The following KCNIP4 variants were observed in gnomAD, a reference collection of about 807,000 sequenced individuals.
KCNIP4 encodes potassium voltage-gated channel interacting protein 4, also known as Kv channel-interacting protein 4.
KCNIP4 carries 12 observed loss-of-function variants against 34.0 expected under a neutral mutation model. That is an observed-to-expected ratio of 0.35 (90% CI 0.23 to 0.57). The LOEUF (loss-of-function observed/expected upper bound fraction) is 0.57. Among genes scored for constraint, KCNIP4 ranks in the 20% least tolerant of loss-of-function variants. KCNIP4 has a pLI of 0.83. For synonymous variants in KCNIP4, 124 were observed against 102.2 expected, an observed-to-expected ratio of 1.21 and a Z score of -1.29; for missense variants, 238 against 311.7, an observed-to-expected ratio of 0.76 and a Z score of 1.78.
rs180928560 is a variant in KCNIP4, at chr4:20,981,946, C to T, written c.62-99237G>A. ...CCAAGGAAGACTTTTCAGACCAACT[C>T]AAAATTTCTATGATTCTAGTTGGGG... On this transcript the variant is annotated intron_variant, in intron 1 of 8. Coordinates refer to ENST00000382152, the MANE Select transcript of KCNIP4 (RefSeq NM_025221.6). 4.4e-3 allele frequency among the ~76,000 whole-genome samples: 663 copies of T among 152,266 alleles called. 5 individuals carry two copies. Among genetic ancestry groups the T allele is most frequent in the Non-Finnish European group, 7.2e-3 (488 of 68,022 alleles).
At chr4:21,035,178 G>A (rs889118626) in intron 1 of KCNIP4, among the ~76,000 whole-genome samples, 4 of 152,110 alleles carry the variant, frequency 2.6e-5, no homozygotes, top group African/African-American at 9.7e-5. Flanking sequence ...ATTGCTAGTT[G>A]GTTCTTATTT....
chr4:21,337,525 TA>T (rs1252838232), intron 1 of KCNIP4, among the ~76,000 whole-genome samples: 5 of 152,190 alleles, frequency 3.3e-5, no homozygotes, highest in Admixed American at 3.3e-4. Context: ...TCAGGTGGTT[TA>T]AAAGATTCAT....
intron 3 of KCNIP4, among the ~76,000 whole-genome samples, chr4:20,769,279 T>C (rs916389633): frequency 5.3e-5 from 8 of 152,188 alleles, no homozygotes; most frequent in Non-Finnish European, 1.0e-4. Context: ...TTTACTATTA[T>C]CTCTTCAAGT....
intron 1 of KCNIP4, chr4:21,730,150 C>G (rs914957027): frequency 6.6e-6 from 1 of 151,972 alleles, no homozygotes; most frequent in Non-Finnish European, 1.5e-5. Context: ...TATTGCAACA[C>G]GGATATATTA....
At chr4:21,463,328 T>C (rs746366456) in intron 1 of KCNIP4, among the ~76,000 whole-genome samples, 8 of 152,128 alleles carry the variant, frequency 5.3e-5, no homozygotes, top group Non-Finnish European at 1.2e-4. Context: ...TTGAGAAATG[T>C]CTAGTCAGGT....
chr4:21,644,956 A>G (rs1746905717), intron 1 of KCNIP4, among the ~76,000 whole-genome samples: 1 of 152,158 alleles, frequency 6.6e-6, no homozygotes, highest in Admixed American at 6.6e-5. Flanking sequence ...TGTGGAATCC[A>G]AGAGTATCTG....
intron 1 of KCNIP4, among the ~76,000 whole-genome samples, chr4:20,943,016 T>A (rs1007108956): frequency 2.6e-5 from 4 of 152,202 alleles, no homozygotes; most frequent in Non-Finnish European, 4.4e-5. Context: ...TCCTTGAGGT[T>A]GTTGACTTCA....
chr4:20,926,368 A>C (rs893150442), intron 1 of KCNIP4, among the ~76,000 whole-genome samples: 2 of 152,226 alleles, frequency 1.3e-5, no homozygotes, highest in Admixed American at 6.5e-5. Context: ...TCTCTGGGCA[A>C]AAACAGGTGA....
At chr4:21,630,582 C>T (rs192638437) in intron 1 of KCNIP4, among the ~76,000 whole-genome samples, 272 of 152,116 alleles carry the variant, frequency 1.8e-3, no homozygotes, top group Middle Eastern at 3.4e-3. Context: ...TCTCTTTCCC[C>T]GGACCCTGCT....
At chr4:21,432,099 T>C (rs1726523409) in intron 1 of KCNIP4, among the ~76,000 whole-genome samples, 1 of 45,374 alleles carries the variant, frequency 2.2e-5, no homozygotes, top group African/African-American at 1.1e-4. Flanking sequence ...AGCATATATA[T>C]ATATATATAT....
chr4:21,601,993 G>T (rs1196391854), intron 1 of KCNIP4, among the ~76,000 whole-genome samples: 2 of 152,078 alleles, frequency 1.3e-5, no homozygotes, highest in Admixed American at 1.3e-4. Context: ...ACCTGAATTA[G>T]TTAGTTTACT....
intron 1 of KCNIP4, among the ~76,000 whole-genome samples, chr4:21,840,494 C>T (rs1003224330): frequency 2.0e-5 from 3 of 152,128 alleles, no homozygotes; most frequent in Admixed American, 6.6e-5. Context: ...ATTCATGTTT[C>T]AAACCAAATG....
At chr4:21,108,878 G>T (rs530008153) in intron 1 of KCNIP4, among the ~76,000 whole-genome samples, 3 of 152,322 alleles carry the variant, frequency 2.0e-5, no homozygotes, top group South Asian at 2.1e-4. Flanking sequence ...GACCCTGTTT[G>T]CCTGGGTAAC....
At chr4:21,141,152 T>G (rs534718813) in intron 1 of KCNIP4, among the ~76,000 whole-genome samples, 2 of 152,322 alleles carry the variant, frequency 1.3e-5, no homozygotes, top group African/African-American at 4.8e-5. Context: ...AAGGAAGAGA[T>G]GCACATACCT....
intron 1 of KCNIP4, among the ~76,000 whole-genome samples, chr4:21,220,734 A>T (rs1015477588): frequency 1.3e-5 from 2 of 152,152 alleles, no homozygotes; most frequent in Non-Finnish European, 2.9e-5. Flanking sequence ...AGGTGACATT[A>T]TTTTAGCTGC....
intron 1 of KCNIP4, among the ~76,000 whole-genome samples, chr4:21,593,171 G>A (rs1261542985): frequency 6.7e-6 from 1 of 150,254 alleles, no homozygotes; most frequent in African/African-American, 2.5e-5. Flanking sequence ...AAAAAAAAAA[G>A]TCCTGCTACT....
chr4:21,522,876 C>T (rs906273143), intron 1 of KCNIP4, among the ~76,000 whole-genome samples: 1 of 151,878 alleles, frequency 6.6e-6, no homozygotes, highest in African/African-American at 2.4e-5. Context: ...TATATATTTG[C>T]TTATTTTTAT....
chr4:21,913,362 TC>T (rs1560178698), intron 1 of KCNIP4, among the ~76,000 whole-genome samples: 3 of 137,116 alleles, frequency 2.2e-5, no homozygotes, highest in African/African-American at 7.8e-5. Flanking sequence ...TTTTTCTTTT[TC>T]CTTTTTTTTT....
intron 1 of KCNIP4, among the ~76,000 whole-genome samples, chr4:21,880,353 A>C (rs1726393300): frequency 6.6e-6 from 1 of 152,192 alleles, no homozygotes; most frequent in Non-Finnish European, 1.5e-5. Context: ...TGAAATTTTA[A>C]GGCATTCCAT....
Sources: gnomAD v4.1 joint callset for allele counts (sites outside exome capture counted in the v4.1 genomes callset) on GRCh38, gnomAD v4.1.1 for gene constraint, MANE v1.5 for transcripts, NCBI Gene and HGNC (gene_info 2026-07-23, HGNC 2026-07-21) for gene names.